Variants in SLC2A9 observed in about 807,000 individuals in gnomAD.
SLC2A9 encodes solute carrier family 2 member 9.
A neutral mutation model predicts 50.6 loss-of-function variants in SLC2A9; 39 were observed. The ratio of observed to expected loss-of-function variants is 0.77; its 90% CI spans 0.60 to 1.01. SLC2A9 has a LOEUF of 1.01. Among genes scored for constraint, SLC2A9 ranks in the 50% least tolerant of loss-of-function variants. The pLI, the probability that SLC2A9 is intolerant of heterozygous loss-of-function variation, is 0.00. For synonymous variants in SLC2A9, 324 were observed against 276.9 expected, an observed-to-expected ratio of 1.17 and a Z score of -1.69; for missense variants, 686 against 677.6, an observed-to-expected ratio of 1.01 and a Z score of -0.14.
chr4:9,790,606 T>C (rs1025797730), intron 3 of SLC2A9, among the ~76,000 whole-genome samples: 3 of 151,650 alleles, frequency 2.0e-5, no homozygotes, highest in African/African-American at 7.3e-5. Context: ...GTTTGGGAGG[T>C]GGGGGATGTG....
chr4:9,802,964 C>T (rs985363732), intron 3 of SLC2A9, among the ~76,000 whole-genome samples: 2 of 152,198 alleles, frequency 1.3e-5, no homozygotes, highest in African/African-American at 4.8e-5. Flanking sequence ...CCCCAGAATA[C>T]TTTGTAGATG....
intron 10 of SLC2A9, among the ~76,000 whole-genome samples, chr4:9,882,436 G>C (rs1735383579): frequency 1.3e-5 from 2 of 152,108 alleles, no homozygotes; most frequent in African/African-American, 2.4e-5. Context: ...AAAATTACTG[G>C]ATCATTCTGA....
intron 11 of SLC2A9, among the ~76,000 whole-genome samples, chr4:9,830,894 C>T (rs1253354546): frequency 6.6e-6 from 1 of 152,184 alleles, no homozygotes. Flanking sequence ...ACCACAGTTG[C>T]CTCCCTTCTC....
chr4:10,029,873 T>C (rs1020602238), intron 1 of SLC2A9, among the ~76,000 whole-genome samples: 2 of 152,080 alleles, frequency 1.3e-5, no homozygotes, highest in Non-Finnish European at 2.9e-5. Context: ...TGACCTCAGG[T>C]GATCTACCTG....
upstream of SLC2A9, chr4:10,021,515 T>C: frequency 1.3e-6 from 2 of 1,593,510 alleles, no homozygotes; most frequent in East Asian, 4.5e-5. Flanking sequence ...CAGAGTCCAC[T>C]GGAAGGAGGG....
At chr4:9,998,070 C>G (rs1318990158) in intron 2 of SLC2A9, among the ~76,000 whole-genome samples, 2 of 152,092 alleles carry the variant, frequency 1.3e-5, no homozygotes, top group African/African-American at 4.8e-5. Context: ...GAAATGAGAC[C>G]ACAAGGAAAT....
intron 1 of SLC2A9, among the ~76,000 whole-genome samples, chr4:10,037,120 G>A (rs946137039): frequency 5.3e-5 from 8 of 152,082 alleles, no homozygotes; most frequent in Non-Finnish European, 7.4e-5. Flanking sequence ...TGTGATTTAT[G>A]TACCATAAAA....
At position 9,884,385 on chromosome 4, in the gene SLC2A9, C is replaced by T. The variant is rs143104850; in HGVS notation, c.1291+3182G>A. On this transcript the variant is annotated intron_variant, in intron 10 of 11. Transcript: ENST00000264784. ...TTCTGAGCTCAAGTGAGCCTTCTGCCTCAGTCTCCTAAATAGCTGAGATTA... is the reference window on the plus strand; with the variant it reads ...TTCTGAGCTCAAGTGAGCCTTCTGCTTCAGTCTCCTAAATAGCTGAGATTA... Among the ~76,000 whole-genome samples the T allele has an allele frequency of 3.2e-3, 484 of 151,654 alleles. 2 individuals carry two copies. The highest frequency in any genetic ancestry group is 0.028 in the Middle Eastern group (8 of 282).
At chr4:10,004,523 A>G (rs1269058092) in intron 2 of SLC2A9, among the ~76,000 whole-genome samples, 2 of 152,192 alleles carry the variant, frequency 1.3e-5, no homozygotes. Flanking sequence ...AGAGGACTCC[A>G]AAGTCCTAGA....
intron 3 of SLC2A9, among the ~76,000 whole-genome samples, chr4:9,788,274 T>A (rs151269359): frequency 1.3e-5 from 2 of 152,208 alleles, no homozygotes; most frequent in African/African-American, 4.8e-5. Context: ...CATTGCAACC[T>A]TGACTCCAGG....
intron 2 of SLC2A9, among the ~76,000 whole-genome samples, chr4:10,018,218 G>A (rs538704041): frequency 2.6e-5 from 4 of 152,224 alleles, no homozygotes; most frequent in African/African-American, 4.8e-5. Flanking sequence ...TTATCCAGCA[G>A]ATACCTGAGT....
chr4:9,774,245 C>T (rs938552428), intron 1 of SLC2A9, among the ~76,000 whole-genome samples: 2 of 152,034 alleles, frequency 1.3e-5, no homozygotes, highest in Admixed American at 6.5e-5. Context: ...CTACCCACCT[C>T]GGCCCCTAAA....
rs112202007 is a variant in SLC2A9, at chr4:9,918,055, G to A, written c.1002+2330C>T. Among the ~76,000 whole-genome samples, 535 of 152,154 alleles carry A rather than the reference G, an allele frequency of 3.5e-3. 1 individual carries two copies. The highest frequency in any genetic ancestry group is 4.9e-3 in the Non-Finnish European group (330 of 67,992). ...TTGGGCAATGCCTGACCCTCTGTGA[G>A]TCACACGTCCTTCATCTAGAAAATG... On this transcript the variant is annotated intron_variant, in intron 7 of 11. Transcript: ENST00000264784.
chr4:9,985,294 C>T (rs1420132918), intron 4 of SLC2A9, among the ~76,000 whole-genome samples: 1 of 152,144 alleles, frequency 6.6e-6, no homozygotes. Context: ...AATGAAATAA[C>T]GAATGAGTCA....
chr4:9,935,913 A>C (rs1487005039), intron 6 of SLC2A9, among the ~76,000 whole-genome samples: 1 of 152,214 alleles, frequency 6.6e-6, no homozygotes, highest in East Asian at 1.9e-4. Context: ...CCAGCCTGTG[A>C]AGAATGGGTT....
chr4:9,840,735 T>G (rs1401962265), intron 10 of SLC2A9, among the ~76,000 whole-genome samples: 1 of 152,078 alleles, frequency 6.6e-6, no homozygotes, highest in Admixed American at 6.6e-5. Flanking sequence ...TTAACTATGA[T>G]GTTTTTGGTT....
At chr4:9,812,842 A>C (rs1409333042) in intron 3 of SLC2A9, among the ~76,000 whole-genome samples, 2 of 152,188 alleles carry the variant, frequency 1.3e-5, no homozygotes, top group African/African-American at 4.8e-5. Context: ...GACAAACTGC[A>C]GTCCCCAAAT....
At chr4:10,020,438 G>A (rs776641754) in intron 1 of SLC2A9, among the ~76,000 whole-genome samples, 1 of 152,164 alleles carries the variant, frequency 6.6e-6, no homozygotes, top group Non-Finnish European at 1.5e-5. Context: ...GAGGTGCTCC[G>A]TAGAGGCTGC....
intron 8 of SLC2A9, among the ~76,000 whole-genome samples, chr4:9,893,334 G>T (rs112678514): frequency 1.3e-5 from 2 of 151,238 alleles, no homozygotes. Flanking sequence ...CAGGTGTGGC[G>T]TAAGTGTTTG....
Sources: gnomAD v4.1 joint callset for allele counts (sites outside exome capture counted in the v4.1 genomes callset) on GRCh38, gnomAD v4.1.1 for gene constraint, MANE v1.5 for transcripts, NCBI Gene and HGNC (gene_info 2026-07-23, HGNC 2026-07-21) for gene names.